The following AJAP1 variants were observed in gnomAD, a reference collection of about 807,000 sequenced individuals.
The protein encoded by AJAP1 is adherens junctions associated protein 1, also known as adherens junction-associated protein 1.
Under a neutral mutation model 35.0 loss-of-function variants are expected in AJAP1, and 5 were observed. The observed-to-expected ratio is 0.14, with a 90% CI of 0.07 to 0.30. The LOEUF (loss-of-function observed/expected upper bound fraction) is 0.30. Among genes scored for constraint, AJAP1 ranks in the 10% least tolerant of loss-of-function variants. The pLI is 1.00. For missense variants in AJAP1, 586 were observed against 571.0 expected, an observed-to-expected ratio of 1.03 and a Z score of -0.27; for synonymous variants, 284 against 249.3, an observed-to-expected ratio of 1.14 and a Z score of -1.31.
At chr1:4,708,764 A>C (rs1271495992) in intron 1 of AJAP1, among the ~76,000 whole-genome samples, 2 of 152,070 alleles carry the variant, frequency 1.3e-5, no homozygotes, top group African/African-American at 4.8e-5. Context: ...TTGGCCTTGC[A>C]CAGAAATGAG....
rs1317899405 is a variant in AJAP1 at position 4,655,673 on chromosome 1, C to T, written c.29+219C>T. ...GCCGGGTCTCCAGGGTTCCGCGCGT[C>T]CGGGGTCGGGGCAGCGGCGCCCGCC... is the stretch of plus-strand genomic sequence containing the variant. On this transcript the variant is annotated intron_variant, in intron 1 of 5. Transcript: ENST00000378191. This position sits in a 1 kb window ranked among gnomAD's most constrained non-coding sequence, Gnocchi z 6.9. 6.6e-6 allele frequency among the ~76,000 whole-genome samples: 1 copy of T among 151,216 alleles called. No individual in the cohort carries two copies. Among genetic ancestry groups the T allele is most frequent in the Non-Finnish European group, 1.5e-5 (1 of 67,722 alleles).
chr1:4,736,911 T>C (rs1640939057), intron 2 of AJAP1, among the ~76,000 whole-genome samples: 1 of 152,126 alleles, frequency 6.6e-6, no homozygotes, highest in African/African-American at 2.4e-5. Flanking sequence ...CAGGGCTGAC[T>C]ACTGGGGGTG....
At chr1:4,670,002 G>A (rs1639215663) in intron 1 of AJAP1, among the ~76,000 whole-genome samples, 2 of 152,178 alleles carry the variant, frequency 1.3e-5, no homozygotes, top group Non-Finnish European at 2.9e-5. Context: ...CAGCATTTGT[G>A]TGATCTTTGG....
chr1:4,765,256 A>T (rs1375007647), intron 2 of AJAP1, among the ~76,000 whole-genome samples: 2 of 152,106 alleles, frequency 1.3e-5, no homozygotes, highest in Non-Finnish European at 2.9e-5. Flanking sequence ...GAGAGGGAAA[A>T]GTTTGCTTGT....
intron 2 of AJAP1, among the ~76,000 whole-genome samples, chr1:4,755,761 C>T (rs1641415364): frequency 6.6e-6 from 1 of 151,452 alleles, no homozygotes; most frequent in African/African-American, 2.4e-5. Context: ...AGATTGGGCT[C>T]AACTTAGAAC....
intron 1 of AJAP1, among the ~76,000 whole-genome samples, chr1:4,658,541 T>G (rs1488930005): frequency 6.6e-6 from 1 of 152,250 alleles, no homozygotes; most frequent in Non-Finnish European, 1.5e-5. Context: ...GCTACTAAAT[T>G]GATTGCAACT....
At chr1:4,750,043 T>C (rs917892420) in intron 2 of AJAP1, among the ~76,000 whole-genome samples, 1 of 152,002 alleles carries the variant, frequency 6.6e-6, no homozygotes, top group Admixed American at 6.6e-5. Context: ...TGTGTGTGTG[T>C]GTGTGTTTGT....
In AJAP1 at chr1:4,787,831, C is replaced by T; in HGVS notation, c.*5346C>T. 1 of 451,266 alleles carries T rather than the reference C, an allele frequency of 2.2e-6. No homozygotes were observed. The highest frequency in any genetic ancestry group is 4.5e-6 in the Non-Finnish European group (1 of 223,590). The allele number at this position is 451,266 out of a possible 1,614,324, so 28.0% of individuals were successfully genotyped here. A position where few individuals can be genotyped will look rare whatever the true frequency, so the allele number is the denominator to read the frequency against. On this transcript the variant is annotated 3_prime_UTR_variant, in exon 6 of 6. Coordinates refer to ENST00000378191, the MANE Select transcript of AJAP1 (RefSeq NM_018836.4). ...TGCCATTCTTCTTGGTGCCAGAAGG[C>T]AGCTGCATCTCCAGAAGCTCCCCCA...
chr1:4,764,453 G>A (rs1255386085), intron 2 of AJAP1, among the ~76,000 whole-genome samples: 2 of 152,246 alleles, frequency 1.3e-5, no homozygotes, highest in Non-Finnish European at 2.9e-5. Context: ...TCCACCACTG[G>A]GCACTGTGAG....
At chr1:4,741,845 C>T (rs554274760) in intron 2 of AJAP1, among the ~76,000 whole-genome samples, 2 of 152,318 alleles carry the variant, frequency 1.3e-5, no homozygotes, top group Admixed American at 1.3e-4. Context: ...TAAGAAAGTA[C>T]TCACGGAATG....
At chr1:4,728,860 T>C (rs1488779652) in intron 2 of AJAP1, among the ~76,000 whole-genome samples, 1 of 152,048 alleles carries the variant, frequency 6.6e-6, no homozygotes, top group Non-Finnish European at 1.5e-5. Context: ...GGGCTCTCTG[T>C]CATTGCTCCC....
intron 1 of AJAP1, among the ~76,000 whole-genome samples, chr1:4,683,150 T>C (rs1026248897): frequency 4.6e-5 from 7 of 152,194 alleles, no homozygotes; most frequent in African/African-American, 1.4e-4. Context: ...GTTGTAGTAC[T>C]CCCCTTCTCT....
intron 2 of AJAP1, among the ~76,000 whole-genome samples, chr1:4,759,128 G>A (rs772416647): frequency 3.3e-5 from 5 of 152,172 alleles, no homozygotes; most frequent in Non-Finnish European, 7.3e-5. Context: ...CACACCCTCT[G>A]GTACTCAGCT....
At chr1:4,668,321 G>C (rs1639179643) in intron 1 of AJAP1, among the ~76,000 whole-genome samples, 1 of 64,392 alleles carries the variant, frequency 1.6e-5, no homozygotes, top group South Asian at 3.3e-4. Flanking sequence ...AGAGAGCAGT[G>C]CTGTGTGTGT....
intron 1 of AJAP1, among the ~76,000 whole-genome samples, chr1:4,703,316 A>C (rs1570131469): frequency 1.3e-5 from 2 of 152,230 alleles, no homozygotes; most frequent in African/African-American, 4.8e-5. Flanking sequence ...GGGGATGGCC[A>C]TGTCCCCTGA....
intron 5 of AJAP1, chr1:4,777,796 C>T (rs1391631262): frequency 6.6e-6 from 1 of 152,168 alleles, no homozygotes; most frequent in Non-Finnish European, 1.5e-5. Context: ...AAGAAGTGTA[C>T]CTGTGCCTTC....
chr1:4,737,317 C>T (rs1640948512), intron 2 of AJAP1, among the ~76,000 whole-genome samples: 1 of 152,128 alleles, frequency 6.6e-6, no homozygotes, highest in Non-Finnish European at 1.5e-5. Flanking sequence ...GGACAAGCCC[C>T]CGTCACCACC....
intron 1 of AJAP1, among the ~76,000 whole-genome samples, chr1:4,666,837 GCAGAGAGGAGCC>G (rs1393140261): frequency 6.8e-6 from 1 of 147,248 alleles, no homozygotes. Context: ...CGGAGGGGTT[GCAGAGAGGAGCC>G]TGTGAATCAC....
At chr1:4,769,735 C>T (rs3950181) in intron 2 of AJAP1, 118 bp from the exon 3 acceptor site, 103,387 of 840,576 alleles carry the variant, frequency 0.12, 6,798 homozygotes, top group Middle Eastern at 0.17. Flanking sequence ...TTCCCCGCTG[C>T]GGATGGGACC....
Sources: allele counts gnomAD v4.1 joint callset (sites outside exome capture counted in the v4.1 genomes callset), GRCh38; gene constraint gnomAD v4.1.1; non-coding constraint Gnocchi (gnomAD v3.1); transcripts MANE v1.5; gene names NCBI Gene and HGNC (gene_info 2026-07-23, HGNC 2026-07-21).